SLIT2: variants seen among roughly 807,000 people sequenced by gnomAD.
SLIT2 encodes slit guidance ligand 2, also known as slit homolog 2 protein.
Under a neutral mutation model 185.7 loss-of-function variants are expected in SLIT2, and 41 were observed. That is an observed-to-expected ratio of 0.22 (90% confidence interval 0.17 to 0.29). The LOEUF is 0.29. Among genes scored for constraint, SLIT2 ranks in the 10% least tolerant of loss-of-function variants. The pLI, the probability that SLIT2 is intolerant of heterozygous loss-of-function variation, is 1.00. For missense variants in SLIT2, 1,571 were observed against 1,909.0 expected (o/e 0.82, Z 3.30); for synonymous variants, 693 against 680.2 (o/e 1.02, Z -0.29).
In SLIT2 at chr4:20,618,856, A is replaced by C. The variant is rs1294026453; in HGVS notation, c.4437A>C (p.Arg1479=). 3.1e-6 allele frequency: 5 copies of C among 1,614,050 alleles called. No individual in the cohort carries two copies. Among genetic ancestry groups the C allele is most frequent in the Non-Finnish European group, 4.2e-6 (5 of 1,180,022 alleles). ...AACQTTKKVS[R]LECRGGCAGG... ...GCCAAACAACCAAGAAGGTGTCCCGATTAGAGTGCAGAGGTGGGTGTGCAG... is the reference window on the plus strand; with the variant it reads ...GCCAAACAACCAAGAAGGTGTCCCGCTTAGAGTGCAGAGGTGGGTGTGCAG... Residue 1479 remains arginine (R), a synonymous_variant, in exon 37 of 37, where the codon CGA becomes CGC. Coordinates refer to ENST00000504154, the MANE Select transcript of SLIT2 (RefSeq NM_004787.4).
chr4:20,528,403 G>C lies in SLIT2; in HGVS notation c.1463-546G>C. ...TTCTACAGCATGACAAGCTGCTGAG[G>C]CTTAAATCAGGATTTTCCTGTCTCT... On this transcript the variant is annotated intron_variant, in intron 15 of 36. Coordinates refer to ENST00000504154, the MANE Select transcript of SLIT2 (RefSeq NM_004787.4). The surrounding 1 kb of genome is among the most constrained non-coding windows in gnomAD (Gnocchi z 4.2). 3.8e-6 allele frequency: 2 copies of C among 523,782 alleles called. No individual in the cohort carries two copies. The allele number at this position is 523,782 out of a possible 1,614,324, so 32.4% of individuals were successfully genotyped here.
At chr4:20,614,250 C>A (rs1049011394) in intron 34 of SLIT2, among the ~76,000 whole-genome samples, 6 of 152,128 alleles carry the variant, frequency 3.9e-5, no homozygotes, top group East Asian at 1.9e-4. Flanking sequence ...GGAAGAAAAT[C>A]AAAAAATAAG....
At chr4:20,432,522 CTTT>C (rs59431145) in intron 4 of SLIT2, among the ~76,000 whole-genome samples, 30,978 of 141,844 alleles carry the variant, frequency 0.22, 3,467 homozygotes, top group Non-Finnish European at 0.27. Flanking sequence ...GACTGTCTGC[CTTT>C]TTTTTTTTTT....
intron 4 of SLIT2, among the ~76,000 whole-genome samples, chr4:20,423,989 T>C (rs542017125): frequency 1.3e-5 from 2 of 152,240 alleles, no homozygotes; most frequent in South Asian, 4.1e-4. Flanking sequence ...TTGGTTTACT[T>C]TTAAAGATTG....
chr4:20,269,932 AT>A (rs949408063), intron 4 of SLIT2, among the ~76,000 whole-genome samples: 4 of 151,864 alleles, frequency 2.6e-5, no homozygotes, highest in African/African-American at 9.7e-5. Context: ...ATAGGGAGAT[AT>A]TCCCCAGCTG....
intron 10 of SLIT2, 66 bp downstream of exon 10, chr4:20,510,632 A>C (rs1019038866): frequency 3.0e-6 from 3 of 984,938 alleles, no homozygotes; most frequent in African/African-American, 3.3e-5. Context: ...GACCATGCAA[A>C]GAAACTTAAG....
chr4:20,297,681 A>T (rs1716619056), intron 4 of SLIT2, among the ~76,000 whole-genome samples: 1 of 134,964 alleles, frequency 7.4e-6, no homozygotes. Flanking sequence ...TGCTAATTTT[A>T]AAAAAAATCT....
chr4:20,605,748 A>T (rs1728747969), intron 33 of SLIT2, among the ~76,000 whole-genome samples: 1 of 149,250 alleles, frequency 6.7e-6, no homozygotes, highest in Admixed American at 6.7e-5. Flanking sequence ...ATTTTATTTT[A>T]TTTTATTTTA....
At chr4:20,467,131 AGTCT>A (rs1714447714) in intron 4 of SLIT2, among the ~76,000 whole-genome samples, 1 of 152,338 alleles carries the variant, frequency 6.6e-6, no homozygotes, top group Non-Finnish European at 1.5e-5. Flanking sequence ...AAATATAGAC[AGTCT>A]ATTTTATGAT....
chr4:20,364,192 T>G (rs1201775898), intron 4 of SLIT2: 2 of 746,644 alleles, frequency 2.7e-6, no homozygotes, highest in Non-Finnish European at 3.3e-6. Context: ...AATACTGGGA[T>G]GGAGCATTTG....
intron 4 of SLIT2, among the ~76,000 whole-genome samples, chr4:20,346,495 G>T (rs554680034): frequency 6.6e-6 from 1 of 152,270 alleles, no homozygotes; most frequent in Non-Finnish European, 1.5e-5. Flanking sequence ...AATAAATTAC[G>T]CTGTAACAGA....
intron 4 of SLIT2, among the ~76,000 whole-genome samples, chr4:20,310,707 G>C (rs1407358065): frequency 6.6e-6 from 1 of 151,994 alleles, no homozygotes; most frequent in Non-Finnish European, 1.5e-5. Context: ...TCTTTATTCT[G>C]GAAGCTCTTT....
chr4:20,389,065 C>T (rs1044508257), intron 4 of SLIT2, among the ~76,000 whole-genome samples: 3 of 150,124 alleles, frequency 2.0e-5, no homozygotes, highest in African/African-American at 7.3e-5. Flanking sequence ...AATATCTGTT[C>T]TTAGTCTTGT....
At chr4:20,266,646 T>C (rs1322617816) in intron 3 of SLIT2, among the ~76,000 whole-genome samples, 1 of 151,978 alleles carries the variant, frequency 6.6e-6, no homozygotes, top group Admixed American at 6.6e-5. Context: ...GCTTTTCATA[T>C]GGTTCAGAAC....
intron 4 of SLIT2, among the ~76,000 whole-genome samples, chr4:20,427,150 T>A (rs1279270840): frequency 6.6e-6 from 1 of 152,166 alleles, no homozygotes; most frequent in East Asian, 1.9e-4. Context: ...AAACAGAGAT[T>A]TTCCCTGAGA....
intron 4 of SLIT2, among the ~76,000 whole-genome samples, chr4:20,420,667 A>T (rs1279294227): frequency 6.6e-6 from 1 of 151,982 alleles, no homozygotes; most frequent in Non-Finnish European, 1.5e-5. Context: ...AGAGAAAGGG[A>T]GGGAGAGAAA....
chr4:20,333,410 T>A (rs1720231216), intron 4 of SLIT2, among the ~76,000 whole-genome samples: 1 of 152,184 alleles, frequency 6.6e-6, no homozygotes, highest in South Asian at 2.1e-4. Flanking sequence ...CTTTAAGCAC[T>A]CTTTTTTTAA....
At chr4:20,344,674 G>A (rs1721237315) in intron 4 of SLIT2, among the ~76,000 whole-genome samples, 1 of 151,944 alleles carries the variant, frequency 6.6e-6, no homozygotes, top group African/African-American at 2.4e-5. Flanking sequence ...GGAATCTTTT[G>A]CTCTGTCCAT....
intron 9 of SLIT2, among the ~76,000 whole-genome samples, chr4:20,506,605 G>A (rs1369867102): frequency 6.6e-6 from 1 of 151,794 alleles, no homozygotes; most frequent in African/African-American, 2.4e-5. Context: ...GTAGGACAAA[G>A]GACATCATTT....
Sources: gnomAD v4.1 joint callset for allele counts (sites outside exome capture counted in the v4.1 genomes callset) on GRCh38, gnomAD v4.1.1 for gene constraint, Gnocchi (gnomAD v3.1) non-coding constraint, MANE v1.5 for transcripts, NCBI Gene and HGNC (gene_info 2026-07-23, HGNC 2026-07-21) for gene names.